The following RPTOR variants were observed in gnomAD, a reference collection of about 807,000 sequenced individuals.
The protein encoded by RPTOR is regulatory associated protein of MTOR complex 1, also known as regulatory-associated protein of mTOR.
RPTOR carries 21 observed loss-of-function variants against 169.9 expected under a neutral mutation model. The ratio of observed to expected loss-of-function variants is 0.12; its 90% confidence interval spans 0.09 to 0.18. The LOEUF (loss-of-function observed/expected upper bound fraction) is 0.18. Ranked by LOEUF, RPTOR falls within the 10% of genes least tolerant of loss-of-function variation. The pLI is 1.00. For missense variants in RPTOR, 1,133 were observed against 1,855.9 expected (o/e 0.61, Z 7.16); for synonymous variants, 732 against 753.2 (o/e 0.97, Z 0.46).
intron 4 of RPTOR, among the ~76,000 whole-genome samples, chr17:80,715,413 A>G (rs1450485141): frequency 6.6e-6 from 1 of 152,212 alleles, no homozygotes. Context: ...CCCTATATCA[A>G]TCGGCTTCTT....
chr17:80,879,332 C>G (rs2068158852), intron 13 of RPTOR, among the ~76,000 whole-genome samples: 1 of 151,320 alleles, frequency 6.6e-6, no homozygotes, highest in African/African-American at 2.4e-5. Flanking sequence ...TCTGCAGCCC[C>G]TCCTGCCCAA....
intron 1 of RPTOR, among the ~76,000 whole-genome samples, chr17:80,566,818 C>T (rs1448919117): frequency 1.1e-4 from 7 of 62,688 alleles, no homozygotes; most frequent in African/African-American, 3.5e-4. Context: ...AGCGAGACTC[C>T]GTCTCAAAAA....
chr17:80,956,760 G>A (rs748335601), intron 28 of RPTOR, among the ~76,000 whole-genome samples: 86 of 151,952 alleles, frequency 5.7e-4, no homozygotes, highest in Non-Finnish European at 1.1e-3. Flanking sequence ...CAGACGTTCC[G>A]GGAAGGCACT....
intron 2 of RPTOR, among the ~76,000 whole-genome samples, chr17:80,638,803 G>A (rs1190514684): frequency 2.6e-5 from 4 of 152,164 alleles, no homozygotes; most frequent in African/African-American, 4.8e-5. Flanking sequence ...CTGAAAATCC[G>A]TCTAGCTCTT....
chr17:80,574,928 G>A (rs763984735), intron 1 of RPTOR, among the ~76,000 whole-genome samples: 96 of 148,378 alleles, frequency 6.5e-4, no homozygotes, highest in African/African-American at 2.1e-3. Context: ...GCCTCCCAAA[G>A]TGCTGGGATT....
Position 80,643,739 on chromosome 17 carries a change from A to T in RPTOR, c.277A>T (p.Met93Leu). The T allele has an allele frequency of 1.9e-6, 3 of 1,613,328 alleles. No individual in the cohort carries two copies. Among genetic ancestry groups the T allele is most frequent in the South Asian group, 1.1e-5 (1 of 90,840 alleles). Residue 93 changes from methionine (M) to leucine (L), a missense_variant, in exon 3 of 34, where the codon ATG becomes TTG. Physicochemically the swap from Met to Leu is conservative, Grantham distance 15 (BLOSUM62 2). Coordinates refer to ENST00000306801, the MANE Select transcript of RPTOR (RefSeq NM_020761.3). ...RLECWIDPLS[M>L]GPQKALETIG... ...CATTGCTTCCTCAGATCCTCTGTCGATGGGTCCTCAGAAAGCTCTGGAAAC... is the reference window on the plus strand; with the variant it reads ...CATTGCTTCCTCAGATCCTCTGTCGTTGGGTCCTCAGAAAGCTCTGGAAAC...
intron 1 of RPTOR, among the ~76,000 whole-genome samples, chr17:80,599,898 A>G (rs1325874484): frequency 6.6e-6 from 1 of 152,214 alleles, no homozygotes; most frequent in Non-Finnish European, 1.5e-5. Flanking sequence ...GGAGATTTCC[A>G]GGCAGAAAAT....
intron 3 of RPTOR, among the ~76,000 whole-genome samples, chr17:80,682,563 A>G (rs1313696851): frequency 1.3e-5 from 2 of 152,236 alleles, no homozygotes; most frequent in Non-Finnish European, 2.9e-5. Flanking sequence ...ATGTGGCCAC[A>G]GGCCAAGGAA....
chr17:80,945,628 C>G (rs1488169923), intron 25 of RPTOR, 39 bp from the exon 26 acceptor site: 2 of 1,250,336 alleles, frequency 1.6e-6, no homozygotes, highest in Non-Finnish European at 2.3e-6. Context: ...GGAAAAGATG[C>G]TGGCTCCTGG....
chr17:80,637,422 G>GC (rs1477357414), intron 2 of RPTOR, among the ~76,000 whole-genome samples: 5 of 152,214 alleles, frequency 3.3e-5, no homozygotes, highest in Admixed American at 3.3e-4. Flanking sequence ...CCTGCTGACG[G>GC]CCAAGACCTC....
chr17:80,691,994 C>T (rs957138693), intron 3 of RPTOR, among the ~76,000 whole-genome samples: 8 of 152,238 alleles, frequency 5.3e-5, no homozygotes, highest in Non-Finnish European at 1.0e-4. Flanking sequence ...TTTCAGAAAG[C>T]AACACCAGCA....
chr17:80,870,176 G>A (rs1308788351), intron 13 of RPTOR, among the ~76,000 whole-genome samples: 1 of 152,182 alleles, frequency 6.6e-6, no homozygotes, highest in Non-Finnish European at 1.5e-5. Context: ...TTGTGGTTAT[G>A]GTACCACCAG....
At chr17:80,833,314 G>T (rs532233258) in intron 9 of RPTOR, among the ~76,000 whole-genome samples, 1 of 152,266 alleles carries the variant, frequency 6.6e-6, no homozygotes, top group African/African-American at 2.4e-5. Context: ...CCAGCTGCTG[G>T]GGGGGAGGAG....
intron 24 of RPTOR, among the ~76,000 whole-genome samples, chr17:80,928,558 G>A (rs1208263644): frequency 6.6e-6 from 1 of 152,190 alleles, no homozygotes; most frequent in Non-Finnish European, 1.5e-5. Flanking sequence ...AGGACACCGT[G>A]GTAAGGACAG....
intron 20 of RPTOR, among the ~76,000 whole-genome samples, chr17:80,902,288 T>C (rs181660260): frequency 8.5e-5 from 13 of 152,332 alleles, no homozygotes; most frequent in Admixed American, 3.9e-4. Context: ...AACCATTGTC[T>C]GACATTCAAG....
At chr17:80,643,696 A>G (rs1329400218) in intron 2 of RPTOR, 32 bp from the exon 3 acceptor site, 4 of 1,563,200 alleles carry the variant, frequency 2.6e-6, no homozygotes, top group African/African-American at 2.7e-5. Context: ...ATGCAGACGT[A>G]AAGAACTTTC....
intron 1 of RPTOR, among the ~76,000 whole-genome samples, chr17:80,594,420 C>T (rs777212408): frequency 6.6e-6 from 1 of 152,198 alleles, no homozygotes; most frequent in Non-Finnish European, 1.5e-5. Context: ...AGGAAATGAC[C>T]TTTGAGTTTT....
At chr17:80,760,448 C>G (rs1206342542) in intron 6 of RPTOR, among the ~76,000 whole-genome samples, 1 of 151,782 alleles carries the variant, frequency 6.6e-6, no homozygotes, top group African/African-American at 2.4e-5. Context: ...ATTACAGGTG[C>G]CCACCACCAC....
chr17:80,935,698 C>G (rs555400865), intron 24 of RPTOR, among the ~76,000 whole-genome samples: 20 of 152,110 alleles, frequency 1.3e-4, no homozygotes, highest in Non-Finnish European at 2.6e-4. Context: ...TACTTCACAC[C>G]TTATACAACA....
Sources: gnomAD v4.1 joint callset for allele counts (sites outside exome capture counted in the v4.1 genomes callset) on GRCh38, gnomAD v4.1.1 for gene constraint, MANE v1.5 for transcripts, NCBI Gene and HGNC (gene_info 2026-07-23, HGNC 2026-07-21) for gene names.